TMC2: variants seen among roughly 807,000 people sequenced by gnomAD.
The protein encoded by TMC2 is transmembrane channel like 2.
Under a neutral mutation model 105.9 loss-of-function variants are expected in TMC2, and 102 were observed. That is an observed-to-expected ratio of 0.96 (90% confidence interval 0.82 to 1.14). The LOEUF (loss-of-function observed/expected upper bound fraction) is 1.14, where lower values mean the gene tolerates loss of function less well. Ranked by LOEUF, TMC2 falls within the 50% of genes most tolerant of loss-of-function variation. The pLI, the probability that TMC2 is intolerant of heterozygous loss-of-function variation, is 0.00. For missense variants in TMC2, 1,093 were observed against 1,134.3 expected, an observed-to-expected ratio of 0.96 and a Z score of 0.52; for synonymous variants, 402 against 422.8, an observed-to-expected ratio of 0.95 and a Z score of 0.60.
intron 11 of TMC2, among the ~76,000 whole-genome samples, chr20:2,605,158 G>A (rs929121291): frequency 2.0e-5 from 3 of 152,196 alleles, no homozygotes; most frequent in South Asian, 2.1e-4. Context: ...TGAATTTTAC[G>A]CTACGCAGCT....
intron 19 of TMC2, among the ~76,000 whole-genome samples, chr20:2,639,409 T>A (rs1204159914): frequency 6.6e-6 from 1 of 152,214 alleles, no homozygotes; most frequent in African/African-American, 2.4e-5. Context: ...TTTCTATGTT[T>A]AGATACACAA....
intron 5 of TMC2, among the ~76,000 whole-genome samples, chr20:2,574,865 A>G (rs147575287): frequency 0.011 from 1,703 of 152,062 alleles, 34 homozygotes; most frequent in African/African-American, 0.039. Flanking sequence ...AGCTGGGATT[A>G]TGGGCATGCG....
chr20:2,617,149 G>A lies in TMC2; in HGVS notation c.2018G>A (p.Trp673Ter), dbSNP rs1292721313. Residue 673 changes from tryptophan (W) to a stop codon, truncating the protein, a stop_gained, in exon 16 of 20, where the codon TGG (tryptophan) becomes TAG (stop). Transcript: ENST00000358864. LOFTEE classifies it high-confidence loss of function. ...CTGACCTCCATGTACTTCCAGTGCTGGGCGGTGATGAGCAGCAACGTACCC... is the reference window on the plus strand; with the variant it reads ...CTGACCTCCATGTACTTCCAGTGCTAGGCGGTGATGAGCAGCAACGTACCC... ...RLLTSMYFQC[W>*]AVMSSNVPHE... 6.2e-7 allele frequency: 1 copy of A among 1,614,198 alleles called. No individual in the cohort carries two copies. Among genetic ancestry groups the A allele is most frequent in the Admixed American group, 1.7e-5 (1 of 60,030 alleles).
At chr20:2,577,672 G>A (rs559395715) in intron 5 of TMC2, among the ~76,000 whole-genome samples, 75 of 152,268 alleles carry the variant, frequency 4.9e-4, no homozygotes, top group African/African-American at 1.7e-3. Flanking sequence ...AACACTTTGG[G>A]AGGCTGAAAG....
At chr20:2,628,416 A>G (rs1242253511) in intron 17 of TMC2, among the ~76,000 whole-genome samples, 1 of 151,884 alleles carries the variant, frequency 6.6e-6, no homozygotes, top group Non-Finnish European at 1.5e-5. Context: ...AATGTTATTT[A>G]TTTTCTATAT....
chr20:2,559,721 G>A (rs1403704355), intron 3 of TMC2, among the ~76,000 whole-genome samples: 6 of 152,000 alleles, frequency 3.9e-5, no homozygotes, highest in Non-Finnish European at 7.4e-5. Flanking sequence ...TTTTCCTGTC[G>A]CCATGCCAAC....
intron 2 of TMC2, among the ~76,000 whole-genome samples, chr20:2,556,678 A>T (rs1033497963): frequency 6.6e-6 from 1 of 152,214 alleles, no homozygotes; most frequent in African/African-American, 2.4e-5. Flanking sequence ...GTGCAAGGTT[A>T]TAGTGAGCTA....
chr20:2,599,129 T>C (rs1392415930), intron 10 of TMC2, among the ~76,000 whole-genome samples: 2 of 151,944 alleles, frequency 1.3e-5, no homozygotes, highest in African/African-American at 4.8e-5. Context: ...ACTCCTGACC[T>C]CAAATGATCC....
At chr20:2,557,644 C>A (rs184826623) in intron 2 of TMC2, among the ~76,000 whole-genome samples, 2 of 152,294 alleles carry the variant, frequency 1.3e-5, no homozygotes, top group African/African-American at 4.8e-5. Context: ...GATTCTCTTG[C>A]CTTAGCCTTC....
intron 2 of TMC2, among the ~76,000 whole-genome samples, chr20:2,542,966 G>C (rs189501522): frequency 1.4e-4 from 21 of 152,156 alleles, no homozygotes; most frequent in African/African-American, 5.1e-4. Flanking sequence ...GCCAGGCATG[G>C]TGGCACACAC....
intron 2 of TMC2, among the ~76,000 whole-genome samples, chr20:2,543,309 CA>C (rs544757564): frequency 3.5e-4 from 53 of 152,336 alleles, no homozygotes; most frequent in Non-Finnish European, 6.3e-4. Context: ...TAACACCCCA[CA>C]ACCTGTTGAT....
At chr20:2,594,044 C>A (rs923636910) in intron 8 of TMC2, among the ~76,000 whole-genome samples, 1 of 152,100 alleles carries the variant, frequency 6.6e-6, no homozygotes, top group Non-Finnish European at 1.5e-5. Flanking sequence ...GCTTCATACT[C>A]CCATGCCTCT....
rs866823862 is a variant in TMC2 at position 2,597,171 on chromosome 20, G to A, written c.1097G>A (p.Gly366Glu). 2 of 1,613,636 alleles carry A rather than the reference G, an allele frequency of 1.2e-6. No homozygotes were observed. The highest frequency in any genetic ancestry group is 1.1e-5 in the South Asian group (1 of 91,068). ...VIRSMASNTQGSTGEGESDNF... is the reference protein window; with the variant it reads ...VIRSMASNTQESTGEGESDNF... The stretch of plus-strand genomic sequence containing the variant: ...TACAGGATGGCCAGCAATACCCAAG[G>A]AAGCACAGGCGAAGGGGAGAGTGAC... The change falls in exon 10 of 20, where the codon GGA becomes GAA. Residue 366 changes from glycine to glutamate, a missense_variant. Transcript: ENST00000358864.
chr20:2,613,399 C>A (rs530472007), intron 14 of TMC2, 77 bp downstream of exon 14: 49 of 1,591,042 alleles, frequency 3.1e-5, no homozygotes, highest in Non-Finnish European at 4.1e-5. Flanking sequence ...CAGATGCATT[C>A]TTGGGCATTT....
At chr20:2,594,245 T>G (rs866246055) in intron 8 of TMC2, among the ~76,000 whole-genome samples, 1 of 149,434 alleles carries the variant, frequency 6.7e-6, no homozygotes, top group South Asian at 2.1e-4. Context: ...TTTTTTTTTT[T>G]GAGACAGAGT....
At position 2,610,511 on chromosome 20, in the gene TMC2, G is replaced by C. The variant is rs1239217416; in HGVS notation, c.1506G>C (p.Leu502=). Residue 502 remains leucine, a synonymous_variant, in exon 12 of 20, where the codon CTG becomes CTC. Coordinates refer to ENST00000358864, the MANE Select transcript of TMC2 (RefSeq NM_080751.3). ...AGAATTACCACCCACGCACTGGACT[G>C]AAGTGGCAGCTGGGACGCATCTTTG... is the stretch of plus-strand genomic sequence containing the variant. ...ALENYHPRTG[L]KWQLGRIFAL... is the part of the protein sequence containing the mutation. 2 of 1,613,878 alleles carry C rather than the reference G, an allele frequency of 1.2e-6. No homozygotes were observed. Among genetic ancestry groups the C allele is most frequent in the Non-Finnish European group, 1.7e-6 (2 of 1,179,906 alleles).
At position 2,592,261 on chromosome 20, in the gene TMC2, T is replaced by G; in HGVS notation, c.835-49T>G. 8.3e-7 allele frequency: 1 copy of G among 1,201,862 alleles called. No individual in the cohort carries two copies. The highest frequency in any genetic ancestry group is 1.2e-6 in the Non-Finnish European group (1 of 806,712). The allele number at this position is 1,201,862 out of a possible 1,614,324, so 74.4% of individuals were successfully genotyped here. On this transcript the variant is annotated intron_variant, in intron 7 of 19. Coordinates refer to ENST00000358864, the MANE Select transcript of TMC2 (RefSeq NM_080751.3). The surrounding 1 kb of genome is among the most constrained non-coding windows in gnomAD (Gnocchi z 4.9). ...ACCCCAGTATATGAATGTCTCTGTG[T>G]GTTTGTATTTCCTCCACTCATACTT...
At chr20:2,639,130 C>T (rs533474365) in intron 19 of TMC2, among the ~76,000 whole-genome samples, 6 of 152,140 alleles carry the variant, frequency 3.9e-5, no homozygotes, top group Non-Finnish European at 8.8e-5. Flanking sequence ...CTCCTGACCT[C>T]GTGATCCGCC....
chr20:2,563,461 G>A (rs940074411), intron 4 of TMC2, among the ~76,000 whole-genome samples: 1 of 152,168 alleles, frequency 6.6e-6, no homozygotes, highest in Non-Finnish European at 1.5e-5. Flanking sequence ...CCACTACCAC[G>A]TGTGGTTACT....
Sources: gnomAD v4.1 joint callset for allele counts (sites outside exome capture counted in the v4.1 genomes callset) on GRCh38, gnomAD v4.1.1 for gene constraint, Gnocchi (gnomAD v3.1) non-coding constraint, MANE v1.5 for transcripts, NCBI Gene and HGNC (gene_info 2026-07-23, HGNC 2026-07-21) for gene names.